SBF2: variants seen among roughly 807,000 people sequenced by gnomAD.
SBF2 encodes the protein SET binding factor 2.
SBF2 carries 112 observed loss-of-function variants against 225.2 expected under a neutral mutation model. That is an observed-to-expected ratio of 0.50 (90% confidence interval 0.43 to 0.58). The LOEUF (loss-of-function observed/expected upper bound fraction) is 0.58. Among genes scored for constraint, SBF2 ranks in the 20% least tolerant of loss-of-function variants. The probability of loss-of-function intolerance (pLI) is 0.00; values close to 1 mark genes in which losing one functional copy is unlikely to be tolerated. For synonymous variants in SBF2, 763 were observed against 773.3 expected, an observed-to-expected ratio of 0.99 and a Z score of 0.22; for missense variants, 1,996 against 2,206.2, an observed-to-expected ratio of 0.90 and a Z score of 1.91.
chr11:9,883,215 T>A (rs1230772005), intron 17 of SBF2, among the ~76,000 whole-genome samples: 1 of 152,126 alleles, frequency 6.6e-6, no homozygotes, highest in Non-Finnish European at 1.5e-5. Context: ...AAGATCTGCA[T>A]AATAATGGCA....
At chr11:9,805,867 C>T (rs1853807204) in intron 32 of SBF2, among the ~76,000 whole-genome samples, 1 of 152,148 alleles carries the variant, frequency 6.6e-6, no homozygotes, top group African/African-American at 2.4e-5. Context: ...GTGATCCACC[C>T]ACCTTGGCCT....
intron 16 of SBF2, among the ~76,000 whole-genome samples, chr11:9,925,967 G>T (rs80041720): frequency 2.7e-5 from 1 of 37,024 alleles, no homozygotes; most frequent in African/African-American, 1.5e-4. Flanking sequence ...ACGTGATAAC[G>T]TTTTCCATGA....
intron 2 of SBF2, among the ~76,000 whole-genome samples, chr11:10,129,518 CTT>C (rs1953929626): frequency 6.6e-6 from 1 of 152,144 alleles, no homozygotes; most frequent in African/African-American, 2.4e-5. Flanking sequence ...CAGGTGCTCT[CTT>C]ATATCAGCTC....
chr11:9,954,853 A>G (rs1866059395), intron 16 of SBF2, among the ~76,000 whole-genome samples: 1 of 152,132 alleles, frequency 6.6e-6, no homozygotes, highest in East Asian at 1.9e-4. Context: ...TTCAGCTAAT[A>G]AACAGCACAG....
chr11:9,983,150 C>G (rs558137116), intron 13 of SBF2, among the ~76,000 whole-genome samples: 1 of 152,360 alleles, frequency 6.6e-6, no homozygotes, highest in Non-Finnish European at 1.5e-5. Context: ...TCTTTCACAG[C>G]TGGGAGGCGG....
At chr11:10,101,671 G>A (rs1448588435) in intron 2 of SBF2, among the ~76,000 whole-genome samples, 2 of 151,566 alleles carry the variant, frequency 1.3e-5, no homozygotes, top group Admixed American at 1.3e-4. Context: ...GTGTGTGTGT[G>A]TGTGTGTGTG....
chr11:9,805,331 T>C (rs1853748256), intron 32 of SBF2, among the ~76,000 whole-genome samples: 1 of 152,104 alleles, frequency 6.6e-6, no homozygotes, highest in Admixed American at 6.5e-5. Flanking sequence ...ATAATGTCCT[T>C]GAGATCCCTT....
chr11:9,797,793 A>T (rs1203849754), intron 32 of SBF2, among the ~76,000 whole-genome samples: 1 of 152,176 alleles, frequency 6.6e-6, no homozygotes, highest in Non-Finnish European at 1.5e-5. Context: ...ACATAGTGAG[A>T]CCTTTTCTCT....
At chr11:10,083,367 G>A (rs1429040950) in intron 2 of SBF2, among the ~76,000 whole-genome samples, 2 of 152,052 alleles carry the variant, frequency 1.3e-5, no homozygotes, top group African/African-American at 4.8e-5. Context: ...TTTTTTCACA[G>A]AATTAGAAAA....
Position 9,913,640 on chromosome 11 carries a change from T to C in SBF2, c.1861-17629A>G, listed in dbSNP as rs73420636. Reference sequence around the variant, plus strand: ...CAGAGTTGTTTAAAATAGCTGAGATTAAAAAAATAAAATAAAATAAAATAA... The same window carrying C: ...CAGAGTTGTTTAAAATAGCTGAGATCAAAAAAATAAAATAAAATAAAATAA... On this transcript the variant is annotated intron_variant, in intron 16 of 39. Coordinates refer to ENST00000256190, the MANE Select transcript of SBF2 (RefSeq NM_030962.4). Among the ~76,000 whole-genome samples, 473 of 93,214 alleles carry C rather than the reference T, an allele frequency of 5.1e-3. 2 individuals carry two copies. The highest frequency in any genetic ancestry group is 0.019 in the African/African-American group (447 of 23,620). The allele number at this position is 93,214 out of a possible 152,430, so 61.2% of individuals were successfully genotyped here.
upstream of SBF2, among the ~76,000 whole-genome samples, chr11:10,296,861 A>C (rs1358821025): frequency 4.6e-5 from 7 of 151,886 alleles, no homozygotes; most frequent in Non-Finnish European, 8.8e-5. Flanking sequence ...ATCTTTGTCA[A>C]CTCTTGTTTT....
chr11:10,083,046 C>T (rs12418619), intron 2 of SBF2, among the ~76,000 whole-genome samples: 30,832 of 152,108 alleles, frequency 0.2, 3,933 homozygotes, highest in Non-Finnish European at 0.29. Flanking sequence ...GCATACAAAT[C>T]AACATACAAA....
Position 9,958,755 on chromosome 11 carries a change from A to G in SBF2, c.1860+3202T>C, listed in dbSNP as rs553444924. ...CTAGTTCACTTAGTTTTTGTACTGG[A>G]AGGGCTCAACTCCGGTTTGAGAAGA... On this transcript the variant is annotated intron_variant, in intron 16 of 39. Transcript: ENST00000256190. 3.6e-4 allele frequency: 161 copies of G among 451,588 alleles called. 1 individual carries two copies. Among genetic ancestry groups the G allele is most frequent in the South Asian group, 2.0e-4 (10 of 50,604 alleles). The allele number at this position is 451,588 out of a possible 1,614,324, so 28.0% of individuals were successfully genotyped here.
At chr11:10,292,678 CAA>C (rs5789633) in intron 1 of SBF2, among the ~76,000 whole-genome samples, 1,808 of 85,778 alleles carry the variant, frequency 0.021, 12 homozygotes, top group East Asian at 0.039. Flanking sequence ...AACTCCGTCT[CAA>C]AAAAAAAAAA....
At chr11:9,832,854 G>A (rs1855482727) in intron 26 of SBF2, among the ~76,000 whole-genome samples, 1 of 152,136 alleles carries the variant, frequency 6.6e-6, no homozygotes, top group South Asian at 2.1e-4. Flanking sequence ...AGTCTTTTTT[G>A]AAAAGAGCCC....
At position 9,968,401 on chromosome 11, in the gene SBF2, T is replaced by G; in HGVS notation, c.1540A>C (p.Asn514His). Reference sequence around the variant, plus strand: ...TCTATTCGTGTGGCAGGAGGTGCATTCTGGTTCTTAGCAACATTTTCCTGT... The same window carrying G: ...TCTATTCGTGTGGCAGGAGGTGCATGCTGGTTCTTAGCAACATTTTCCTGT... ...LIQENVAKNQ[N>H]APPATRIEKK... Residue 514 changes from asparagine (N) to histidine (H), a missense_variant, in exon 14 of 40, where the codon AAT becomes CAT. Transcript: ENST00000256190. 6.2e-7 allele frequency: 1 copy of G among 1,614,178 alleles called. No homozygotes were observed. The highest frequency in any genetic ancestry group is 8.5e-7 in the Non-Finnish European group (1 of 1,180,040).
intron 27 of SBF2, among the ~76,000 whole-genome samples, chr11:9,832,006 ACAGAC>A (rs1855428749): frequency 6.6e-6 from 1 of 152,240 alleles, no homozygotes; most frequent in South Asian, 2.1e-4. Context: ...AAATCCAAGT[ACAGAC>A]CAGACATATT....
chr11:10,220,849 C>T (rs758543245), intron 1 of SBF2, among the ~76,000 whole-genome samples: 2 of 152,120 alleles, frequency 1.3e-5, no homozygotes, highest in Non-Finnish European at 2.9e-5. Context: ...TGTTAGGCCC[C>T]CACATACATA....
At chr11:9,977,307 G>GACC (rs1946740230) in intron 13 of SBF2, among the ~76,000 whole-genome samples, 1 of 151,754 alleles carries the variant, frequency 6.6e-6, no homozygotes, top group Non-Finnish European at 1.5e-5. Flanking sequence ...AACATAGTGA[G>GACC]ACCCTATCTC....
Sources: allele counts gnomAD v4.1 joint callset (sites outside exome capture counted in the v4.1 genomes callset), GRCh38; gene constraint gnomAD v4.1.1; transcripts MANE v1.5; gene names NCBI Gene and HGNC (gene_info 2026-07-23, HGNC 2026-07-21).